MCTP2: variants seen among roughly 807,000 people sequenced by gnomAD.
The protein encoded by MCTP2 is multiple C2 and transmembrane domain containing 2, also known as multiple C2 and transmembrane domain-containing protein 2.
In MCTP2, 132 loss-of-function variants were observed where a neutral mutation model predicts 111.6. That is an observed-to-expected ratio of 1.18 (90% confidence interval 1.03 to 1.37). The LOEUF (loss-of-function observed/expected upper bound fraction) is 1.37. Ranked by LOEUF, MCTP2 falls within the 40% of genes most tolerant of loss-of-function variation. The pLI, the probability that MCTP2 is intolerant of heterozygous loss-of-function variation, is 0.00. For missense variants in MCTP2, 1,183 were observed against 1,067.9 expected, an observed-to-expected ratio of 1.11 and a Z score of -1.50; for synonymous variants, 395 against 387.7, an observed-to-expected ratio of 1.02 and a Z score of -0.22.
At chr15:94,400,350 GC>G (rs2081508293) in intron 16 of MCTP2, among the ~76,000 whole-genome samples, 1 of 152,146 alleles carries the variant, frequency 6.6e-6, no homozygotes, top group Non-Finnish European at 1.5e-5. Context: ...TTTGTCCTCT[GC>G]CCTTTGAAGT....
At position 94,482,277 on chromosome 15, in the gene MCTP2, A is replaced by C. The variant is rs1440319122; in HGVS notation, c.*3243A>C. The C allele has an allele frequency of 6.6e-6, 1 of 152,232 alleles. No homozygotes were observed. The highest frequency in any genetic ancestry group is 1.9e-4 in the East Asian group (1 of 5,202). 9.4% of individuals were successfully genotyped at this position (152,232 alleles called of 1,614,324 possible). The stretch of plus-strand genomic sequence containing the variant: ...CCTAGCAATTTTCAAAGTTTAGAGA[A>C]GTTATTAATATTAGCCCTTTGTAGT... On this transcript the variant is annotated 3_prime_UTR_variant, in exon 23 of 23. Transcript: ENST00000357742.
At chr15:94,388,979 G>T (rs1006005193) in intron 14 of MCTP2, among the ~76,000 whole-genome samples, 1 of 152,188 alleles carries the variant, frequency 6.6e-6, no homozygotes, top group Non-Finnish European at 1.5e-5. Flanking sequence ...CAGGGTCGGG[G>T]TTGGGGGGTG....
At chr15:94,299,218 C>G (rs889017389) in intron 2 of MCTP2, among the ~76,000 whole-genome samples, 4 of 151,684 alleles carry the variant, frequency 2.6e-5, no homozygotes, top group Non-Finnish European at 5.9e-5. Context: ...AATAACTCTT[C>G]CAGAATACTT....
intron 12 of MCTP2, among the ~76,000 whole-genome samples, chr15:94,381,322 C>T (rs2080124428): frequency 1.3e-5 from 2 of 152,200 alleles, no homozygotes; most frequent in Admixed American, 6.5e-5. Context: ...TCTTGCTTCT[C>T]TCTGTTTATA....
intron 1 of MCTP2, among the ~76,000 whole-genome samples, chr15:94,263,264 C>T (rs544456124): frequency 9.2e-5 from 14 of 152,304 alleles, no homozygotes; most frequent in African/African-American, 2.9e-4. Flanking sequence ...CTGAGAGATA[C>T]ATACAGCTAA....
At chr15:94,351,335 G>T (rs2078291798) in intron 8 of MCTP2, among the ~76,000 whole-genome samples, 1 of 152,178 alleles carries the variant, frequency 6.6e-6, no homozygotes, top group South Asian at 2.1e-4. Context: ...CTCATGTCAT[G>T]CAATAAAAGC....
chr15:94,465,785 T>C (rs950255367), intron 20 of MCTP2, among the ~76,000 whole-genome samples: 1 of 152,226 alleles, frequency 6.6e-6, no homozygotes, highest in Non-Finnish European at 1.5e-5. Flanking sequence ...ATTTCTTCTG[T>C]ATCTTTCCTC....
intron 14 of MCTP2, among the ~76,000 whole-genome samples, chr15:94,387,605 T>C (rs554610144): frequency 4.8e-4 from 73 of 152,338 alleles, no homozygotes; most frequent in South Asian, 1.0e-3. Context: ...ATTCATCAAG[T>C]GTCCACTTGG....
rs1263339714 is a variant in MCTP2 at position 94,482,995 on chromosome 15, T to A, written c.*3961T>A. The A allele has an allele frequency of 6.6e-6, 1 of 152,122 alleles. No individual in the cohort carries two copies. Among genetic ancestry groups the A allele is most frequent in the African/African-American group, 2.4e-5 (1 of 41,416 alleles). 9.4% of individuals were successfully genotyped at this position (152,122 alleles called of 1,614,324 possible). On this transcript the variant is annotated 3_prime_UTR_variant, in exon 23 of 23. Coordinates refer to ENST00000357742, the MANE Select transcript of MCTP2 (RefSeq NM_001385001.1). ...GGTAGAAATGGAAACCACGCTGGGT[T>A]GAGAAGTGAGTGGATGTGAAAATAT... is the stretch of plus-strand genomic sequence containing the variant.
Position 94,315,618 on chromosome 15 carries a change from G to A in MCTP2, c.618G>A (p.Leu206=). The A allele has an allele frequency of 1.2e-6, 2 of 1,613,984 alleles. No individual in the cohort carries two copies. The highest frequency in any genetic ancestry group is 1.7e-6 in the Non-Finnish European group (2 of 1,179,904). Reference sequence around the variant, plus strand: ...TACACCTGAAGGAAGGCCGGAACCTGGTTGTCCGAGATCGCTGTGGTAAGA... The same window carrying A: ...TACACCTGAAGGAAGGCCGGAACCTAGTTGTCCGAGATCGCTGTGGTAAGA... ...LTIHLKEGRN[L]VVRDRCGTSD... The change falls in exon 4 of 23, where the codon CTG becomes CTA. Residue 206 remains leucine (L), a synonymous_variant. Transcript: ENST00000357742.
intron 4 of MCTP2, among the ~76,000 whole-genome samples, chr15:94,334,842 C>A (rs1596387357): frequency 6.6e-6 from 1 of 152,244 alleles, no homozygotes; most frequent in South Asian, 2.1e-4. Flanking sequence ...GCCACTGTAT[C>A]CAGCCTGTTA....
intron 8 of MCTP2, among the ~76,000 whole-genome samples, chr15:94,351,531 A>G (rs1190951941): frequency 6.6e-6 from 1 of 152,066 alleles, no homozygotes; most frequent in African/African-American, 2.4e-5. Context: ...TCCATTGACT[A>G]CTTACTTTCC....
intron 10 of MCTP2, among the ~76,000 whole-genome samples, chr15:94,365,112 A>C (rs571538388): frequency 4.6e-5 from 7 of 152,296 alleles, no homozygotes; most frequent in Admixed American, 3.3e-4. Flanking sequence ...GCTGGGTCAT[A>C]ACCCATGTCC....
At chr15:94,441,110 C>G (rs1383927196) in intron 18 of MCTP2, among the ~76,000 whole-genome samples, 1 of 152,190 alleles carries the variant, frequency 6.6e-6, no homozygotes, top group East Asian at 1.9e-4. Flanking sequence ...GGATCACCTT[C>G]ACATTTGGTT....
chr15:94,466,766 TTATTTTTACAGTGTATTA>T (rs1343582738), intron 20 of MCTP2, among the ~76,000 whole-genome samples: 3 of 152,076 alleles, frequency 2.0e-5, no homozygotes, highest in African/African-American at 7.2e-5. Flanking sequence ...GCAGTTTATT[TTATTTTTACAGTGTATTA>T]TATTTTTATT....
intron 21 of MCTP2, among the ~76,000 whole-genome samples, chr15:94,474,398 C>G (rs7177198): frequency 0.68 from 103,855 of 151,978 alleles, 35,610 homozygotes; most frequent in South Asian, 0.7. Context: ...CTCCCATCTA[C>G]CCAAGAAACT....
At chr15:94,391,068 G>A (rs750379152) in intron 14 of MCTP2, among the ~76,000 whole-genome samples, 19 of 151,868 alleles carry the variant, frequency 1.3e-4, no homozygotes, top group Non-Finnish European at 2.8e-4. Flanking sequence ...GTCCTTCTGT[G>A]TGAGCCAGGC....
rs192851211 is a variant in MCTP2, at chr15:94,406,392, A to T, written c.2085+4373A>T. Among the ~76,000 whole-genome samples the T allele has an allele frequency of 3.3e-5, 5 of 152,352 alleles. No homozygotes were observed. The East Asian group carries it at 9.6e-4, about 29-fold the overall frequency. ...CCTTCAGCTATTCTGCCTCTCACTG[A>T]TGCCCAGGATGCAATGTTTGTTGTC... is the stretch of plus-strand genomic sequence containing the variant. On this transcript the variant is annotated intron_variant, in intron 17 of 22. Coordinates refer to ENST00000357742, the MANE Select transcript of MCTP2 (RefSeq NM_001385001.1).
At chr15:94,300,403 G>T (rs2075548727) in intron 2 of MCTP2, among the ~76,000 whole-genome samples, 1 of 151,736 alleles carries the variant, frequency 6.6e-6, no homozygotes, top group South Asian at 2.1e-4. Context: ...CCAGCTACTT[G>T]GGAGGCTGAG....
Sources: gnomAD v4.1 joint callset for allele counts (sites outside exome capture counted in the v4.1 genomes callset) on GRCh38, gnomAD v4.1.1 for gene constraint, MANE v1.5 for transcripts, NCBI Gene and HGNC (gene_info 2026-07-23, HGNC 2026-07-21) for gene names.